Variants in PPFIA2 observed in about 807,000 individuals in gnomAD.
PPFIA2 encodes PPFI scaffold protein A2, also known as liprin-alpha-2.
A neutral mutation model predicts 175.5 loss-of-function variants in PPFIA2; 46 were observed. That is an observed-to-expected ratio of 0.26 (90% CI 0.21 to 0.34). PPFIA2 has a LOEUF of 0.34. Among genes scored for constraint, PPFIA2 ranks in the 10% least tolerant of loss-of-function variants. The pLI is 1.00. For missense variants in PPFIA2, 1,179 were observed against 1,506.1 expected, an observed-to-expected ratio of 0.78 and a Z score of 3.60; for synonymous variants, 568 against 511.4, an observed-to-expected ratio of 1.11 and a Z score of -1.49.
intron 21 of PPFIA2, among the ~76,000 whole-genome samples, chr12:81,335,935 A>C (rs189628451): frequency 1.1e-4 from 16 of 152,298 alleles, no homozygotes; most frequent in Non-Finnish European, 1.8e-4. Flanking sequence ...ATTTTTCCTG[A>C]ATAGTACTTA....
intron 24 of PPFIA2, among the ~76,000 whole-genome samples, chr12:81,291,290 A>C (rs1397060973): frequency 6.6e-6 from 1 of 151,920 alleles, no homozygotes; most frequent in African/African-American, 2.4e-5. Flanking sequence ...TATATTTTTT[A>C]TGTTTCAAAT....
At chr12:81,739,234 GA>G (rs2153651588) in intron 3 of PPFIA2, among the ~76,000 whole-genome samples, 1 of 152,016 alleles carries the variant, frequency 6.6e-6, no homozygotes, top group African/African-American at 2.4e-5. Context: ...AAATATATTT[GA>G]CAGTTACTAA....
intron 4 of PPFIA2, among the ~76,000 whole-genome samples, chr12:81,566,603 G>A (rs527985032): frequency 3.1e-4 from 47 of 149,460 alleles, no homozygotes; most frequent in Admixed American, 1.7e-3. Context: ...TGTATGAAAA[G>A]TGTCTTTATC....
intron 1 of PPFIA2, chr12:81,758,798 C>G (rs2085080179): frequency 1.3e-5 from 2 of 158,466 alleles, no homozygotes; most frequent in Non-Finnish European, 2.8e-5. Flanking sequence ...AGCCCCGGGG[C>G]GGAGACCGGA....
chr12:81,398,527 T>C (rs2041559569), intron 8 of PPFIA2, among the ~76,000 whole-genome samples: 1 of 152,124 alleles, frequency 6.6e-6, no homozygotes, highest in African/African-American at 2.4e-5. Context: ...ATCCCCCTGT[T>C]CATGAGCTAC....
chr12:81,755,589 G>A (rs557232228), intron 2 of PPFIA2, among the ~76,000 whole-genome samples: 2 of 152,174 alleles, frequency 1.3e-5, no homozygotes, highest in African/African-American at 4.8e-5. Context: ...GGTTATTGAG[G>A]AGCGAAATTC....
At chr12:81,309,067 A>G (rs1594514941) in intron 22 of PPFIA2, among the ~76,000 whole-genome samples, 3 of 152,316 alleles carry the variant, frequency 2.0e-5, no homozygotes, top group Admixed American at 2.0e-4. Context: ...ATCACAGAAA[A>G]TAAATCTTCC....
At chr12:81,680,461 G>A (rs961650295) in intron 3 of PPFIA2, among the ~76,000 whole-genome samples, 1 of 151,862 alleles carries the variant, frequency 6.6e-6, no homozygotes, top group Non-Finnish European at 1.5e-5. Flanking sequence ...TTAATTACCA[G>A]TCCTAGTGAA....
chr12:81,347,902 T>C, intron 17 of PPFIA2, 132 bp from the exon 18 acceptor site: 3 of 1,318,610 alleles, frequency 2.3e-6, no homozygotes, highest in Non-Finnish European at 3.0e-6. Context: ...TCAAATCTAA[T>C]TTTTTCATCT....
intron 8 of PPFIA2, among the ~76,000 whole-genome samples, chr12:81,399,139 A>AG (rs1200093148): frequency 6.6e-6 from 1 of 151,992 alleles, no homozygotes; most frequent in Non-Finnish European, 1.5e-5. Context: ...AACAAAACAG[A>AG]GGAAAAAGAA....
intron 14 of PPFIA2, among the ~76,000 whole-genome samples, chr12:81,364,763 C>T (rs1333206983): frequency 6.6e-6 from 1 of 151,446 alleles, no homozygotes; most frequent in African/African-American, 2.4e-5. Context: ...TTGGCTATAT[C>T]GTGAGAGTAG....
At chr12:81,698,176 A>G (rs181677609) in intron 3 of PPFIA2, among the ~76,000 whole-genome samples, 12 of 152,268 alleles carry the variant, frequency 7.9e-5, no homozygotes, top group Admixed American at 7.9e-4. Flanking sequence ...AGATTTATTC[A>G]TGTAGAATTG....
At chr12:81,588,072 C>G (rs1490691441) in intron 4 of PPFIA2, among the ~76,000 whole-genome samples, 1 of 151,618 alleles carries the variant, frequency 6.6e-6, no homozygotes, top group Non-Finnish European at 1.5e-5. Flanking sequence ...AAGCAAAAAA[C>G]TAAGGGTAGT....
chr12:81,695,786 A>G (rs1045343476), intron 3 of PPFIA2, among the ~76,000 whole-genome samples: 7 of 152,192 alleles, frequency 4.6e-5, no homozygotes, highest in Non-Finnish European at 8.8e-5. Flanking sequence ...ATCTCTATAC[A>G]GCAATTGTTT....
chr12:81,606,663 A>T lies in PPFIA2; in HGVS notation c.303+70128T>A, dbSNP rs537247425. On this transcript the variant is annotated intron_variant, in intron 4 of 32. Coordinates refer to ENST00000549396, the MANE Select transcript of PPFIA2 (RefSeq NM_003625.5). Reference sequence around the variant, plus strand: ...TCCTTTGCCCATTTTTAATGAGGTTATTTGTTTTTTGCTTGTTGATTTAAG... The same window carrying T: ...TCCTTTGCCCATTTTTAATGAGGTTTTTTGTTTTTTGCTTGTTGATTTAAG... 2.0e-5 allele frequency among the ~76,000 whole-genome samples: 3 copies of T among 151,860 alleles called. No individual in the cohort carries two copies. In the South Asian group the frequency reaches 6.2e-4, roughly 32 times the overall value.
intron 4 of PPFIA2, among the ~76,000 whole-genome samples, chr12:81,566,332 G>A (rs988246986): frequency 6.6e-6 from 1 of 151,858 alleles, no homozygotes; most frequent in Non-Finnish European, 1.5e-5. Flanking sequence ...GACCATCCTG[G>A]CCAACATGGT....
chr12:81,382,541 T>A (rs150580836), intron 9 of PPFIA2, among the ~76,000 whole-genome samples: 3 of 152,204 alleles, frequency 2.0e-5, no homozygotes, highest in African/African-American at 4.8e-5. Context: ...GCAAAAGCCA[T>A]GAAGATTCTG....
intron 3 of PPFIA2, among the ~76,000 whole-genome samples, chr12:81,704,138 G>T: frequency 6.6e-6 from 1 of 152,078 alleles, no homozygotes; most frequent in East Asian, 1.9e-4. Flanking sequence ...CACTCAATAT[G>T]TGAAATGAAT....
chr12:81,706,006 A>G (rs576223049), intron 3 of PPFIA2, among the ~76,000 whole-genome samples: 1 of 152,312 alleles, frequency 6.6e-6, no homozygotes, highest in South Asian at 2.1e-4. Context: ...ATACTATTAA[A>G]AGTATTTTTT....
Sources: gnomAD v4.1 joint callset for allele counts (sites outside exome capture counted in the v4.1 genomes callset) on GRCh38, gnomAD v4.1.1 for gene constraint, MANE v1.5 for transcripts, NCBI Gene and HGNC (gene_info 2026-07-23, HGNC 2026-07-21) for gene names.